GSE1: variants seen among roughly 807,000 people sequenced by gnomAD.
GSE1 encodes the protein genetic suppressor element 1.
In GSE1, 32 loss-of-function variants were observed where a neutral mutation model predicts 112.6. That is an observed-to-expected ratio of 0.28 (90% CI 0.21 to 0.38). GSE1 has a LOEUF of 0.38. GSE1 is among the 10% of genes least tolerant of loss of function. GSE1 has a pLI of 1.00. For synonymous variants in GSE1, 1,115 were observed against 735.6 expected (o/e 1.52, Z -8.35); for missense variants, 2,348 against 1,699.2 (o/e 1.38, Z -6.71).
intron 7 of GSE1, among the ~76,000 whole-genome samples, chr16:85,657,048 C>A (rs1028298404): frequency 1.3e-5 from 2 of 152,246 alleles, no homozygotes; most frequent in African/African-American, 4.8e-5. Flanking sequence ...TGGCACCGCA[C>A]TGGCTGGGCA....
chr16:85,402,982 C>G (rs562444924), intron 2 of GSE1, among the ~76,000 whole-genome samples: 10 of 152,094 alleles, frequency 6.6e-5, no homozygotes, highest in African/African-American at 1.2e-4. Flanking sequence ...ACAGCATGTG[C>G]GGGTCAGGGA....
intron 2 of GSE1, among the ~76,000 whole-genome samples, chr16:85,362,668 A>G (rs1351390014): frequency 6.6e-6 from 1 of 151,840 alleles, no homozygotes; most frequent in African/African-American, 2.4e-5. Flanking sequence ...ACACTGCACA[A>G]CTCCCGGAGG....
At chr16:85,554,792 AGGAC>A (rs1428143194), upstream of GSE1, 145 of 595,090 alleles carry the variant, frequency 2.4e-4, 1 homozygote, top group African/African-American at 8.2e-3. Flanking sequence ...GGAGGGAGGG[AGGAC>A]GGACGGGCGG....
chr16:85,429,102 G>A lies in GSE1; in HGVS notation c.2464+71459G>A, dbSNP rs540770040. ...GCTGCATCACTCACGGTAAACAGCC[G>A]CAGGAGCAGCAGGTGCCTGCTCATC... On this transcript the variant is annotated intron_variant, in intron 2 of 2. Transcript: ENST00000637419. 3.3e-5 allele frequency among the ~76,000 whole-genome samples: 5 copies of A among 152,330 alleles called. No individual in the cohort carries two copies. The East Asian group carries it at 5.8e-4, about 18-fold the overall frequency.
At chr16:85,469,711 T>G (rs1266807196) in intron 2 of GSE1, among the ~76,000 whole-genome samples, 1 of 152,190 alleles carries the variant, frequency 6.6e-6, no homozygotes, top group African/African-American at 2.4e-5. Context: ...TCACTTTCCC[T>G]CTCTTGTCCC....
intron 2 of GSE1, among the ~76,000 whole-genome samples, chr16:85,420,187 A>C (rs1052158389): frequency 3.3e-5 from 5 of 151,628 alleles, no homozygotes; most frequent in Middle Eastern, 3.2e-3. Flanking sequence ...AGGAGTTCGA[A>C]ACCAGCCTGG....
intron 1 of GSE1, among the ~76,000 whole-genome samples, chr16:85,292,381 T>G (rs1012000552): frequency 2.6e-5 from 4 of 151,108 alleles, no homozygotes; most frequent in Non-Finnish European, 5.9e-5. Context: ...CAGGCTGGAG[T>G]GCAGTGGCGC....
At chr16:85,380,380 G>C (rs1422446957) in intron 2 of GSE1, among the ~76,000 whole-genome samples, 1 of 152,192 alleles carries the variant, frequency 6.6e-6, no homozygotes, top group Non-Finnish European at 1.5e-5. Flanking sequence ...TTGTGGCAGT[G>C]CTAAAACCAC....
chr16:85,437,728 C>G (rs2049283586), intron 2 of GSE1, among the ~76,000 whole-genome samples: 1 of 152,178 alleles, frequency 6.6e-6, no homozygotes, highest in Non-Finnish European at 1.5e-5. Flanking sequence ...AGTTACCTTC[C>G]TCCTGTCTAG....
chr16:85,672,240 C>T, intron 15 of GSE1, 165 bp from the exon 16 acceptor site: 3 of 610,198 alleles, frequency 4.9e-6, no homozygotes, highest in Non-Finnish European at 9.1e-6. Context: ...GGTGATCTGC[C>T]CGCCTCGACC....
rs561480844 is a variant in GSE1, at chr16:85,527,937, C to T, written c.2465-105977C>T. On this transcript the variant is annotated intron_variant, in intron 2 of 2. Coordinates refer to the GSE1 transcript ENST00000637419. ...GCCTGGTAGGTGGGGAGGAGAAGGC[C>T]GTTCCTGGAAGAGAGAGAGGAGCAT... is the stretch of plus-strand genomic sequence containing the variant. Among the ~76,000 whole-genome samples, 12 of 152,236 alleles carry T rather than the reference C, an allele frequency of 7.9e-5. No homozygotes were observed. In the East Asian group the frequency reaches 2.1e-3, roughly 27 times the overall value.
chr16:85,274,473 G>C (rs1270721098), intron 1 of GSE1, among the ~76,000 whole-genome samples: 4 of 150,858 alleles, frequency 2.7e-5, no homozygotes, highest in Non-Finnish European at 4.4e-5. Flanking sequence ...AGATGGCTTT[G>C]GTGGCTCTCC....
chr16:85,248,168 G>GC, intron 1 of GSE1, among the ~76,000 whole-genome samples: 1 of 152,286 alleles, frequency 6.6e-6, no homozygotes, highest in Middle Eastern at 3.4e-3. Context: ...ACCCCGCTGG[G>GC]CAGGTGGGCT....
rs570614650 is a variant in GSE1 at position 85,383,005 on chromosome 16, T to C, written c.2464+25362T>C. Among the ~76,000 whole-genome samples, 3 of 147,796 alleles carry C rather than the reference T, an allele frequency of 2.0e-5. No homozygotes were observed. The South Asian group carries it at 6.4e-4, about 32-fold the overall frequency. On this transcript the variant is annotated intron_variant, in intron 2 of 2. Transcript: ENST00000637419. ...CGCACACATGTGCACATACAACACA[T>C]GCACACACGGTTGCACCCACACATG...
chr16:85,664,724 G>A (rs561833982), intron 11 of GSE1: 19 of 304,052 alleles, frequency 6.2e-5, no homozygotes, highest in Middle Eastern at 1.0e-3. Flanking sequence ...ATACATCCTC[G>A]CACGTCACCA....
intron 2 of GSE1, among the ~76,000 whole-genome samples, chr16:85,431,480 G>T (rs1252301104): frequency 1.3e-5 from 2 of 152,226 alleles, no homozygotes; most frequent in African/African-American, 4.8e-5. Flanking sequence ...CCCCTACCGT[G>T]TTTGCAGGCC....
chr16:85,214,575 G>A (rs1328544547), intron 1 of GSE1, among the ~76,000 whole-genome samples: 1 of 152,132 alleles, frequency 6.6e-6, no homozygotes, highest in Non-Finnish European at 1.5e-5. Context: ...TAACCGAACT[G>A]CACCGAGAAT....
At chr16:85,476,274 C>T (rs2050452861) in intron 2 of GSE1, among the ~76,000 whole-genome samples, 1 of 152,124 alleles carries the variant, frequency 6.6e-6, no homozygotes, top group South Asian at 2.1e-4. Context: ...GATGGGCTCC[C>T]GGAGACCTGG....
At position 85,240,693 on chromosome 16, in the gene GSE1, C is replaced by G. The variant is rs571928587; in HGVS notation, c.2283+68886C>G. ...CGCCCTGCGAGGTTCCTCGGGGCCA[C>G]TGTTGGCATGCTGCCCATAAGGACT... On this transcript the variant is annotated intron_variant, in intron 1 of 2. Transcript: ENST00000637419. Among the ~76,000 whole-genome samples, 25 of 152,344 alleles carry G rather than the reference C, an allele frequency of 1.6e-4. No individual in the cohort carries two copies. The East Asian group carries it at 4.2e-3, about 26-fold the overall frequency.
Sources: gnomAD v4.1 joint callset for allele counts (sites outside exome capture counted in the v4.1 genomes callset) on GRCh38, gnomAD v4.1.1 for gene constraint, MANE v1.5 for transcripts, NCBI Gene and HGNC (gene_info 2026-07-23, HGNC 2026-07-21) for gene names.